Variants in PPP1R9A observed in about 807,000 individuals in gnomAD.
The protein encoded by PPP1R9A is neurabin-1.
PPP1R9A carries 59 observed loss-of-function variants against 141.9 expected under a neutral mutation model. That is an observed-to-expected ratio of 0.42 (90% confidence interval 0.34 to 0.52). The LOEUF (loss-of-function observed/expected upper bound fraction) is 0.52. Ranked by LOEUF, PPP1R9A falls within the 20% of genes least tolerant of loss-of-function variation. The pLI is 0.10. For synonymous variants in PPP1R9A, 500 were observed against 569.7 expected (o/e 0.88, Z 1.74); for missense variants, 1,444 against 1,611.9 (o/e 0.90, Z 1.78).
chr7:94,969,189 C>G (rs1394278777), intron 2 of PPP1R9A, among the ~76,000 whole-genome samples: 3 of 152,008 alleles, frequency 2.0e-5, no homozygotes, highest in Admixed American at 2.0e-4. Context: ...CCCTTACTGG[C>G]AAAGAGTTGT....
chr7:95,070,328 G>GA (rs1813581528), intron 2 of PPP1R9A, among the ~76,000 whole-genome samples: 1 of 151,240 alleles, frequency 6.6e-6, no homozygotes, highest in Non-Finnish European at 1.5e-5. Flanking sequence ...AATTATGTTT[G>GA]AAAAAAAATT....
intron 7 of PPP1R9A, among the ~76,000 whole-genome samples, chr7:95,224,244 C>G (rs921581966): frequency 1.3e-5 from 2 of 152,106 alleles, no homozygotes; most frequent in African/African-American, 4.8e-5. Context: ...GGCCACCAAC[C>G]TCTTTTCCTT....
intron 2 of PPP1R9A, among the ~76,000 whole-genome samples, chr7:94,992,436 A>G (rs1166786016): frequency 2.6e-5 from 4 of 152,230 alleles, no homozygotes; most frequent in African/African-American, 7.2e-5. Context: ...TAGAGCTGCT[A>G]TGAACAGATG....
rs1287673253 is a variant in PPP1R9A, at chr7:95,031,067, AAACCCATGTGTGACTATTGAATATC to A, written c.1396-80187_1396-80163del. Among the ~76,000 whole-genome samples, 21 of 152,306 alleles carry A rather than the reference AAACCCATGTGTGACTATTGAATATC, an allele frequency of 1.4e-4. No individual in the cohort carries two copies. The East Asian group carries it at 3.7e-3, about 27-fold the overall frequency. On this transcript the variant is annotated intron_variant, in intron 2 of 19. Transcript: ENST00000433360. ...AGCAGCTGATGGCCAAGTAGGGCAG[AAACCCATGTGTGACTATTGAATATC>A]AACCTTGCGTTTACCTGAATGTGTC...
intron 2 of PPP1R9A, among the ~76,000 whole-genome samples, chr7:94,997,604 C>T (rs549276476): frequency 6.6e-5 from 10 of 152,114 alleles, no homozygotes; most frequent in Admixed American, 1.3e-4. Context: ...TCTTGCAGCC[C>T]AGTGAGACCA....
intron 2 of PPP1R9A, among the ~76,000 whole-genome samples, chr7:95,104,358 T>C (rs1484635266): frequency 3.3e-5 from 5 of 152,202 alleles, no homozygotes; most frequent in African/African-American, 1.2e-4. Flanking sequence ...CTTTTCAAAA[T>C]GACTTTTAAG....
intron 12 of PPP1R9A, 139 bp downstream of exon 12, chr7:95,252,269 G>A: frequency 2.1e-6 from 2 of 931,224 alleles, no homozygotes; most frequent in South Asian, 6.0e-5. Context: ...ATCAAAATAG[G>A]AGTCAATCAT....
intron 2 of PPP1R9A, among the ~76,000 whole-genome samples, chr7:94,976,498 G>A (rs962616579): frequency 1.3e-5 from 2 of 151,866 alleles, no homozygotes; most frequent in Non-Finnish European, 2.9e-5. Flanking sequence ...GTGCCACCAC[G>A]TCTGGCTAAT....
chr7:95,096,325 G>A (rs1478623399), intron 2 of PPP1R9A, among the ~76,000 whole-genome samples: 1 of 152,144 alleles, frequency 6.6e-6, no homozygotes, highest in Non-Finnish European at 1.5e-5. Flanking sequence ...TCAGGACCTT[G>A]GTTTGCTCAT....
intron 4 of PPP1R9A, among the ~76,000 whole-genome samples, chr7:95,159,857 C>T (rs1316126762): frequency 2.1e-5 from 3 of 145,178 alleles, no homozygotes; most frequent in Non-Finnish European, 3.0e-5. Context: ...ACCCGGGAGG[C>T]GGAGGTTGTA....
At chr7:95,219,508 GT>G (rs1424901004) in intron 7 of PPP1R9A, among the ~76,000 whole-genome samples, 1 of 152,070 alleles carries the variant, frequency 6.6e-6, no homozygotes, top group East Asian at 1.9e-4. Context: ...GAATTTGAAT[GT>G]TGGCCTGCCT....
chr7:95,048,142 A>G (rs1378772854), intron 2 of PPP1R9A, among the ~76,000 whole-genome samples: 3 of 152,220 alleles, frequency 2.0e-5, no homozygotes, highest in Non-Finnish European at 2.9e-5. Context: ...AAAACTGCCT[A>G]TAGTACAAAT....
chr7:95,206,185 A>G (rs1352385502), intron 7 of PPP1R9A, among the ~76,000 whole-genome samples: 3 of 152,208 alleles, frequency 2.0e-5, no homozygotes, highest in African/African-American at 7.2e-5. Flanking sequence ...TCATAGAAAC[A>G]TATTTTCTAT....
chr7:95,008,808 C>A (rs1395958091), intron 2 of PPP1R9A, among the ~76,000 whole-genome samples: 1 of 151,986 alleles, frequency 6.6e-6, no homozygotes, highest in East Asian at 1.9e-4. Context: ...TGGGTATATA[C>A]CCAAAGGATT....
chr7:95,274,862 G>A (rs1802872651), intron 16 of PPP1R9A, among the ~76,000 whole-genome samples: 2 of 151,990 alleles, frequency 1.3e-5, no homozygotes, highest in Admixed American at 1.3e-4. Flanking sequence ...TTAAATCTTG[G>A]GCAAGTGAGT....
intron 5 of PPP1R9A, among the ~76,000 whole-genome samples, chr7:95,163,727 T>C (rs1466986168): frequency 6.6e-6 from 1 of 151,886 alleles, no homozygotes; most frequent in Non-Finnish European, 1.5e-5. Flanking sequence ...TTTTTTTTGT[T>C]TTGTTTTGTT....
At chr7:95,194,321 C>A (rs1835924423) in intron 5 of PPP1R9A, among the ~76,000 whole-genome samples, 1 of 151,932 alleles carries the variant, frequency 6.6e-6, no homozygotes, top group South Asian at 2.1e-4. Flanking sequence ...CCATAAAAAA[C>A]ATAATATTGC....
chr7:95,070,633 A>ACACAC (rs1296970916), intron 2 of PPP1R9A, among the ~76,000 whole-genome samples: 1 of 147,196 alleles, frequency 6.8e-6, no homozygotes. Flanking sequence ...ACATATATAT[A>ACACAC]AGGTGTTTTT....
intron 7 of PPP1R9A, among the ~76,000 whole-genome samples, chr7:95,205,825 A>G (rs1382547552): frequency 6.6e-6 from 1 of 152,096 alleles, no homozygotes; most frequent in Non-Finnish European, 1.5e-5. Flanking sequence ...AATTCCCCCC[A>G]TTAGCCTGTA....
Sources: gnomAD v4.1 joint callset for allele counts (sites outside exome capture counted in the v4.1 genomes callset) on GRCh38, gnomAD v4.1.1 for gene constraint, MANE v1.5 for transcripts, NCBI Gene and HGNC (gene_info 2026-07-23, HGNC 2026-07-21) for gene names.